The following GRIA4 variants were observed in gnomAD, a reference collection of about 807,000 sequenced individuals.
GRIA4 encodes glutamate receptor 4.
In GRIA4, 34 loss-of-function variants were observed where a neutral mutation model predicts 104.0. That is an observed-to-expected ratio of 0.33 (90% CI 0.25 to 0.44). GRIA4 has a LOEUF of 0.44. GRIA4 is among the 20% of genes least tolerant of loss of function. The pLI, the probability that GRIA4 is intolerant of heterozygous loss-of-function variation, is 1.00. For synonymous variants in GRIA4, 386 were observed against 381.9 expected (o/e 1.01, Z -0.13); for missense variants, 750 against 1,096.5 (o/e 0.68, Z 4.46).
chr11:105,928,483 T>G (rs73544619), intron 13 of GRIA4, among the ~76,000 whole-genome samples: 205 of 152,100 alleles, frequency 1.3e-3, no homozygotes, highest in African/African-American at 4.8e-3. Flanking sequence ...ATAGAAACAT[T>G]ACTACTCTAA....
At chr11:105,720,754 A>G (rs1045924604) in intron 3 of GRIA4, among the ~76,000 whole-genome samples, 1 of 152,176 alleles carries the variant, frequency 6.6e-6, no homozygotes, top group African/African-American at 2.4e-5. Flanking sequence ...GAGTAGATAA[A>G]TCTCCAACCT....
intron 3 of GRIA4, among the ~76,000 whole-genome samples, chr11:105,744,846 C>T (rs1022073644): frequency 6.6e-6 from 1 of 152,170 alleles, no homozygotes; most frequent in African/African-American, 2.4e-5. Context: ...AGTGTAACCA[C>T]ATGTTATGTG....
intron 9 of GRIA4, among the ~76,000 whole-genome samples, chr11:105,908,326 G>T (rs1025896820): frequency 6.6e-6 from 1 of 151,988 alleles, no homozygotes; most frequent in Admixed American, 6.6e-5. Context: ...CTCACTTTTT[G>T]TCTATAGGAA....
At chr11:105,908,413 G>T in intron 9 of GRIA4, among the ~76,000 whole-genome samples, 1 of 152,108 alleles carries the variant, frequency 6.6e-6, no homozygotes, top group East Asian at 1.9e-4. Context: ...ACGCTGTGAA[G>T]ACTAGAGAGA....
chr11:105,961,377 CTTTT>C (rs1029621463), intron 14 of GRIA4, among the ~76,000 whole-genome samples: 1 of 152,064 alleles, frequency 6.6e-6, no homozygotes, highest in African/African-American at 2.4e-5. Flanking sequence ...TACACAATTT[CTTTT>C]TGTCACACAA....
At chr11:105,729,258 A>T (rs1938426035) in intron 3 of GRIA4, among the ~76,000 whole-genome samples, 1 of 152,236 alleles carries the variant, frequency 6.6e-6, no homozygotes, top group Non-Finnish European at 1.5e-5. Flanking sequence ...TCTAGGGGAA[A>T]TGGATAAATT....
chr11:105,811,941 A>G (rs930244326), intron 4 of GRIA4, among the ~76,000 whole-genome samples: 2 of 152,138 alleles, frequency 1.3e-5, no homozygotes, highest in African/African-American at 4.8e-5. Flanking sequence ...CCTACCCCTG[A>G]GTTTCACCTC....
chr11:105,680,868 T>A (rs1952687484), intron 3 of GRIA4, among the ~76,000 whole-genome samples: 1 of 152,134 alleles, frequency 6.6e-6, no homozygotes, highest in Non-Finnish European at 1.5e-5. Flanking sequence ...GTAACTCACC[T>A]CCTTGCAAGC....
At chr11:105,659,195 T>A (rs1951933896) in intron 3 of GRIA4, among the ~76,000 whole-genome samples, 2 of 151,964 alleles carry the variant, frequency 1.3e-5, no homozygotes, top group African/African-American at 4.8e-5. Context: ...TTCACCTATG[T>A]CATCTTCCAG....
chr11:105,971,146 T>C (rs371157382), intron 14 of GRIA4, among the ~76,000 whole-genome samples: 4 of 152,316 alleles, frequency 2.6e-5, no homozygotes, highest in African/African-American at 9.6e-5. Flanking sequence ...CTTCACCTTG[T>C]ACTTAAAGTA....
At chr11:105,967,509 C>T (rs934510533) in intron 14 of GRIA4, among the ~76,000 whole-genome samples, 3 of 151,986 alleles carry the variant, frequency 2.0e-5, no homozygotes, top group Admixed American at 6.6e-5. Context: ...TTTCCAAAGC[C>T]GAATTGCTTC....
At chr11:105,964,626 T>C (rs1375052204) in intron 14 of GRIA4, among the ~76,000 whole-genome samples, 1 of 152,142 alleles carries the variant, frequency 6.6e-6, no homozygotes, top group African/African-American at 2.4e-5. Flanking sequence ...TCACAAACGT[T>C]ACCCAAATTC....
chr11:105,736,491 C>T (rs991378671), intron 3 of GRIA4, among the ~76,000 whole-genome samples: 3 of 152,006 alleles, frequency 2.0e-5, no homozygotes, highest in Admixed American at 2.0e-4. Flanking sequence ...TTATGTAGTA[C>T]ACTAAATACT....
At chr11:105,688,569 T>A (rs1236806058) in intron 3 of GRIA4, among the ~76,000 whole-genome samples, 1 of 151,462 alleles carries the variant, frequency 6.6e-6, no homozygotes, top group Admixed American at 6.6e-5. Context: ...TCTCAAAAAA[T>A]AAATAAATAA....
chr11:105,771,729 T>C (rs1383103975), intron 4 of GRIA4, among the ~76,000 whole-genome samples: 1 of 152,078 alleles, frequency 6.6e-6, no homozygotes, highest in Non-Finnish European at 1.5e-5. Context: ...CACAGGTCCA[T>C]TACATGTAAA....
intron 4 of GRIA4, among the ~76,000 whole-genome samples, chr11:105,815,915 A>C (rs1390989659): frequency 6.6e-6 from 1 of 152,180 alleles, no homozygotes. Flanking sequence ...CAGGCAGTAA[A>C]GCTACACATT....
rs946869583 is a variant in GRIA4, at chr11:105,830,851, G to A, written c.488-31173G>A. On this transcript the variant is annotated intron_variant, in intron 4 of 16. Coordinates refer to ENST00000282499, the MANE Select transcript of GRIA4 (RefSeq NM_000829.4). Reference sequence around the variant, plus strand: ...CACTGCCTTAACAGGTAGTTTTGCTGAATATTGCAGAGAATTATTTTGAAA... The same window carrying A: ...CACTGCCTTAACAGGTAGTTTTGCTAAATATTGCAGAGAATTATTTTGAAA... Among the ~76,000 whole-genome samples, 5 of 152,012 alleles carry A rather than the reference G, an allele frequency of 3.3e-5. No individual in the cohort carries two copies. The South Asian group carries it at 8.3e-4, about 25-fold the overall frequency.
intron 3 of GRIA4, among the ~76,000 whole-genome samples, chr11:105,692,984 T>C (rs1201938110): frequency 1.3e-5 from 2 of 152,200 alleles, no homozygotes; most frequent in African/African-American, 4.8e-5. Flanking sequence ...GTCATCATAT[T>C]CTGCTATTAA....
In GRIA4 at chr11:105,617,861, A is replaced by G. The variant is rs554366395; in HGVS notation, c.247+5427A>G. 2.6e-4 allele frequency among the ~76,000 whole-genome samples: 40 copies of G among 152,154 alleles called. No individual in the cohort carries two copies. The South Asian group carries it at 7.7e-3, about 29-fold the overall frequency. On this transcript the variant is annotated intron_variant, in intron 3 of 16. Transcript: ENST00000282499. ...GAGAGACAAGTCAGTGATTACGGTA[A>G]TGATTACAGTACAATGTGGTAAAGT... is the stretch of plus-strand genomic sequence containing the variant.
Sources: gnomAD v4.1 joint callset for allele counts (sites outside exome capture counted in the v4.1 genomes callset) on GRCh38, gnomAD v4.1.1 for gene constraint, MANE v1.5 for transcripts, NCBI Gene and HGNC (gene_info 2026-07-23, HGNC 2026-07-21) for gene names.